CATSPERE: variants seen among roughly 807,000 people sequenced by gnomAD.
CATSPERE encodes cation channel sperm-associated auxiliary subunit epsilon.
CATSPERE carries 93 observed loss-of-function variants against 114.1 expected under a neutral mutation model. The ratio of observed to expected loss-of-function variants is 0.81; its 90% confidence interval spans 0.69 to 0.97. CATSPERE has a LOEUF of 0.97. CATSPERE is among the 50% of genes least tolerant of loss of function. The pLI is 0.00. For missense variants in CATSPERE, 1,058 were observed against 1,131.6 expected, an observed-to-expected ratio of 0.93 and a Z score of 0.93; for synonymous variants, 341 against 384.1, an observed-to-expected ratio of 0.89 and a Z score of 1.31.
At chr1:244,496,814 A>C (rs1673171369) in intron 6 of CATSPERE, among the ~76,000 whole-genome samples, 1 of 152,222 alleles carries the variant, frequency 6.6e-6, no homozygotes, top group Non-Finnish European at 1.5e-5. Context: ...TGGTCATGGC[A>C]GGCATTGAAA....
intron 2 of CATSPERE, among the ~76,000 whole-genome samples, chr1:244,474,066 C>T (rs1433475271): frequency 6.6e-6 from 1 of 151,892 alleles, no homozygotes; most frequent in Admixed American, 6.6e-5. Flanking sequence ...GAGTCCCGCC[C>T]TGTCACCCAG....
intron 9 of CATSPERE, among the ~76,000 whole-genome samples, chr1:244,559,736 A>T (rs188376779): frequency 7.7e-4 from 117 of 152,316 alleles, no homozygotes; most frequent in African/African-American, 2.8e-3. Flanking sequence ...CTTAGTAAAC[A>T]TCAAGGTGAA....
chr1:244,510,835 C>CTTTTTTTTT (rs747921082), intron 7 of CATSPERE, among the ~76,000 whole-genome samples: 13 of 48,320 alleles, frequency 2.7e-4, no homozygotes, highest in South Asian at 1.1e-3. Context: ...TTTTCTTTTT[C>CTTTTTTTTT]TTTTTTTTTT....
chr1:244,508,877 T>C (rs1362377161), intron 7 of CATSPERE, among the ~76,000 whole-genome samples: 6 of 150,430 alleles, frequency 4.0e-5, no homozygotes, highest in Admixed American at 6.6e-5. Context: ...AGCACGTGCC[T>C]GTAGTGCCAG....
chr1:244,568,829 C>A lies in CATSPERE; in HGVS notation c.1508-3501C>A, dbSNP rs1388384557. On this transcript the variant is annotated intron_variant, in intron 10 of 21. Coordinates refer to ENST00000366534, the MANE Select transcript of CATSPERE (RefSeq NM_001130957.2). This position sits in a 1 kb window ranked among gnomAD's most constrained non-coding sequence, Gnocchi z 4.4. ...AGACCACTTGGCTCCCTGGCTTCAG[C>A]CCCCTTTCCAGCGGAGTGAATCGTT... Among the ~76,000 whole-genome samples, 2 of 152,214 alleles carry A rather than the reference C, an allele frequency of 1.3e-5. No homozygotes were observed. Among genetic ancestry groups the A allele is most frequent in the Non-Finnish European group, 2.9e-5 (2 of 68,040 alleles).
chr1:244,455,519 T>A (rs1666066326), intron 1 of CATSPERE, among the ~76,000 whole-genome samples: 1 of 151,730 alleles, frequency 6.6e-6, no homozygotes, highest in African/African-American at 2.4e-5. Flanking sequence ...TTTTTTTTTT[T>A]AAAGAGCGCT....
In CATSPERE at chr1:244,463,533, C is replaced by CA. The variant is rs569666958; in HGVS notation, c.66-365dup. Reference sequence around the variant, plus strand: ...CCAGAGCAAGACCCTGTCTCAAAAACAAAAAAAAAAGAGAAATACTGCGTT... The same window carrying CA: ...CCAGAGCAAGACCCTGTCTCAAAAACAAAAAAAAAAAGAGAAATACTGCGTT... On this transcript the variant is annotated intron_variant, in intron 1 of 21. Coordinates refer to ENST00000366534, the MANE Select transcript of CATSPERE (RefSeq NM_001130957.2). 3.1e-3 allele frequency among the ~76,000 whole-genome samples: 411 copies of CA among 133,670 alleles called. 1 individual carries two copies. Among genetic ancestry groups the CA allele is most frequent in the South Asian group, 0.018 (74 of 4,202 alleles). 87.7% of individuals were successfully genotyped at this position (133,670 alleles called of 152,430 possible).
chr1:244,584,823 T>G (rs974464401), intron 13 of CATSPERE, among the ~76,000 whole-genome samples: 2 of 152,104 alleles, frequency 1.3e-5, no homozygotes, highest in African/African-American at 4.8e-5. Context: ...GCAGACGTGA[T>G]CCATCCTTGA....
rs185315933 is a variant in CATSPERE, at chr1:244,481,553, C to T, written c.326+1769C>T. Reference sequence around the variant, plus strand: ...CCAAATGGGCTACTTTCTCTTCTCCCAAGTAGAGCTCTTGGGAACCATCAG... The same window carrying T: ...CCAAATGGGCTACTTTCTCTTCTCCTAAGTAGAGCTCTTGGGAACCATCAG... On this transcript the variant is annotated intron_variant, in intron 5 of 21. Coordinates refer to ENST00000366534, the MANE Select transcript of CATSPERE (RefSeq NM_001130957.2). Among the ~76,000 whole-genome samples the T allele has an allele frequency of 6.6e-5, 10 of 152,246 alleles. No homozygotes were observed. The East Asian group carries it at 1.9e-3, about 29-fold the overall frequency.
intron 17 of CATSPERE, among the ~76,000 whole-genome samples, chr1:244,596,207 A>G (rs1164654196): frequency 6.6e-6 from 1 of 152,222 alleles, no homozygotes; most frequent in Non-Finnish European, 1.5e-5. Context: ...TGCCATGGCA[A>G]TAACTCAGAA....
intron 8 of CATSPERE, among the ~76,000 whole-genome samples, chr1:244,548,392 A>T (rs1372380318): frequency 6.6e-6 from 1 of 151,986 alleles, no homozygotes; most frequent in Non-Finnish European, 1.5e-5. Flanking sequence ...TGAACAGTGG[A>T]CCCCCAATAT....
intron 2 of CATSPERE, among the ~76,000 whole-genome samples, chr1:244,472,842 C>T (rs7545386): frequency 0.22 from 34,104 of 152,096 alleles, 4,441 homozygotes; most frequent in African/African-American, 0.34. Context: ...ATAGTTTTGC[C>T]TTTTCCAGAA....
chr1:244,567,693 G>A (rs1176823064), intron 10 of CATSPERE, among the ~76,000 whole-genome samples: 1 of 151,612 alleles, frequency 6.6e-6, no homozygotes. Flanking sequence ...GCTCCATCAG[G>A]TTATTTATGT....
Position 244,502,332 on chromosome 1 carries a change from C to T in CATSPERE, c.429+3253C>T, listed in dbSNP as rs563585877. On this transcript the variant is annotated intron_variant, in intron 7 of 21. Coordinates refer to ENST00000366534, the MANE Select transcript of CATSPERE (RefSeq NM_001130957.2). ...AGTTTTTTTCAAACACCAACTCAAA[C>T]CAGACTTATATTTTTAATATGTGTC... is the stretch of plus-strand genomic sequence containing the variant. 7.0e-4 allele frequency among the ~76,000 whole-genome samples: 107 copies of T among 152,166 alleles called. 1 individual carries two copies. Among genetic ancestry groups the T allele is most frequent in the African/African-American group, 2.4e-3 (100 of 41,524 alleles).
chr1:244,479,553 T>C (rs888948404), intron 4 of CATSPERE, among the ~76,000 whole-genome samples, 164 bp from the exon 5 acceptor site: 1 of 152,186 alleles, frequency 6.6e-6, no homozygotes, highest in Non-Finnish European at 1.5e-5. Flanking sequence ...AAGATGGCAA[T>C]ATATAAATAT....
At chr1:244,598,507 C>A in intron 17 of CATSPERE, 1 of 195,842 alleles carries the variant, frequency 5.1e-6, no homozygotes, top group Non-Finnish European at 1.1e-5. Context: ...TTGCTCCTTC[C>A]GTAGATGATG....
intron 6 of CATSPERE, among the ~76,000 whole-genome samples, chr1:244,496,566 C>T (rs1033644924): frequency 3.3e-5 from 5 of 152,268 alleles, no homozygotes; most frequent in Admixed American, 6.5e-5. Context: ...TACTTAATAA[C>T]ATGCATTATA....
At chr1:244,631,835 A>G (rs1673986798) in intron 20 of CATSPERE, among the ~76,000 whole-genome samples, 1 of 152,246 alleles carries the variant, frequency 6.6e-6, no homozygotes, top group Admixed American at 6.5e-5. Context: ...AGGAACTCTC[A>G]TTCATTGCTG....
intron 4 of CATSPERE, 116 bp from the exon 5 acceptor site, chr1:244,479,601 T>G (rs1572295677): frequency 4.2e-6 from 2 of 474,798 alleles, no homozygotes; most frequent in East Asian, 6.6e-5. Flanking sequence ...AACTTTATTC[T>G]GCTTCCTCTG....
Sources: gnomAD v4.1 joint callset for allele counts (sites outside exome capture counted in the v4.1 genomes callset) on GRCh38, gnomAD v4.1.1 for gene constraint, Gnocchi (gnomAD v3.1) non-coding constraint, MANE v1.5 for transcripts, NCBI Gene and HGNC (gene_info 2026-07-23, HGNC 2026-07-21) for gene names.